Variants in TJP1 observed in about 807,000 individuals in gnomAD.
The protein encoded by TJP1 is tight junction protein 1.
In TJP1, 43 loss-of-function variants were observed where a neutral mutation model predicts 194.2. The observed-to-expected ratio is 0.22, with a 90% CI of 0.17 to 0.29. The LOEUF (loss-of-function observed/expected upper bound fraction) is 0.29, where lower values mean the gene tolerates loss of function less well. TJP1 is among the 10% of genes least tolerant of loss of function. The probability of loss-of-function intolerance (pLI) is 1.00; values close to 1 mark genes in which losing one functional copy is unlikely to be tolerated. For synonymous variants in TJP1, 801 were observed against 779.0 expected, an observed-to-expected ratio of 1.03 and a Z score of -0.47; for missense variants, 1,971 against 2,185.7, an observed-to-expected ratio of 0.90 and a Z score of 1.96.
chr15:29,845,400 A>G (rs188074248), intron 2 of TJP1, among the ~76,000 whole-genome samples: 1 of 152,230 alleles, frequency 6.6e-6, no homozygotes, highest in East Asian at 1.9e-4. Context: ...GGAAATACGA[A>G]ACCTCCCAGG....
chr15:29,738,865 TAAAAAAA>T (rs71103406), intron 10 of TJP1, among the ~76,000 whole-genome samples: 4 of 48,864 alleles, frequency 8.2e-5, no homozygotes, highest in African/African-American at 2.8e-4. Context: ...CTGTCACTAC[TAAAAAAA>T]AAAAAAAAAA....
At chr15:29,706,315 ATTAG>A (rs1224486826) in intron 25 of TJP1, among the ~76,000 whole-genome samples, 1 of 152,196 alleles carries the variant, frequency 6.6e-6, no homozygotes. Flanking sequence ...TTTGAAGGCA[ATTAG>A]TCAAACGACC....
intron 1 of TJP1, among the ~76,000 whole-genome samples, chr15:29,957,628 T>C (rs1312274791): frequency 6.6e-6 from 1 of 152,230 alleles, no homozygotes; most frequent in Non-Finnish European, 1.5e-5. Context: ...TCCCATAACA[T>C]AGATGTAATA....
At position 29,820,630 on chromosome 15, in the gene TJP1, G is replaced by T. The variant is rs192071337; in HGVS notation, c.27+1372C>A. 1.6e-4 allele frequency: 111 copies of T among 713,550 alleles called. No individual in the cohort carries two copies. The African/African-American group carries it at 1.7e-3, about 11-fold the overall frequency. 44.2% of individuals were successfully genotyped at this position (713,550 alleles called of 1,614,324 possible). On this transcript the variant is annotated intron_variant, in intron 1 of 27. Coordinates refer to ENST00000614355, the MANE Select transcript of TJP1 (RefSeq NM_001330239.4). ...TTAAGTACCAGAGATCACACTTCAG[G>T]AACAAAGTGACATTCTGTGTAATAC...
intron 2 of TJP1, among the ~76,000 whole-genome samples, chr15:29,861,269 G>C (rs914134813): frequency 6.6e-6 from 1 of 152,286 alleles, no homozygotes; most frequent in East Asian, 1.9e-4. Flanking sequence ...CCACCAGCAC[G>C]CATGAGGGTC....
intron 2 of TJP1, among the ~76,000 whole-genome samples, chr15:29,934,958 G>T (rs2054835737): frequency 6.6e-6 from 1 of 152,174 alleles, no homozygotes; most frequent in Non-Finnish European, 1.5e-5. Context: ...GTTAAATGTG[G>T]AAGTCTTTAA....
intron 20 of TJP1, 85 bp downstream of exon 20, chr15:29,719,692 G>A (rs2042808616): frequency 6.6e-7 from 1 of 1,524,182 alleles, no homozygotes; most frequent in Non-Finnish European, 8.8e-7. Flanking sequence ...AAAAGCAAAA[G>A]GAACACTTAA....
At chr15:29,923,603 T>G (rs1485348014) in intron 2 of TJP1, among the ~76,000 whole-genome samples, 1 of 152,068 alleles carries the variant, frequency 6.6e-6, no homozygotes, top group South Asian at 2.1e-4. Context: ...ATATCCCAAA[T>G]AGGAAAATCT....
At chr15:29,880,832 C>G (rs1485126037) in intron 2 of TJP1, among the ~76,000 whole-genome samples, 2 of 152,154 alleles carry the variant, frequency 1.3e-5, no homozygotes, top group Non-Finnish European at 2.9e-5. Flanking sequence ...TTTTCTTTAT[C>G]CATTCCTCTG....
chr15:29,966,089 T>C (rs2056322036), intron 1 of TJP1, among the ~76,000 whole-genome samples: 1 of 152,246 alleles, frequency 6.6e-6, no homozygotes, highest in African/African-American at 2.4e-5. Context: ...GTTTAGAGAA[T>C]GTGTTTTCAG....
chr15:29,763,594 C>T lies in TJP1; in HGVS notation c.590-1156G>A, dbSNP rs372151855. Among the ~76,000 whole-genome samples the T allele has an allele frequency of 5.3e-5, 8 of 151,828 alleles. No homozygotes were observed. The East Asian group carries it at 7.8e-4, about 15-fold the overall frequency. Reference sequence around the variant, plus strand: ...ACCAGCCTGGCTAGCATGGTAAAACCGTCTCTATTAAAAATACAAAAAATT... The same window carrying T: ...ACCAGCCTGGCTAGCATGGTAAAACTGTCTCTATTAAAAATACAAAAAATT... On this transcript the variant is annotated intron_variant, in intron 5 of 27. Coordinates refer to ENST00000614355, the MANE Select transcript of TJP1 (RefSeq NM_001330239.4).
At chr15:29,867,681 G>A (rs1024755430) in intron 2 of TJP1, among the ~76,000 whole-genome samples, 2 of 152,182 alleles carry the variant, frequency 1.3e-5, no homozygotes, top group African/African-American at 4.8e-5. Context: ...GCTTTGGGAG[G>A]ACATGGCAAG....
rs759835625 is a variant in TJP1, at chr15:29,718,731, A to C, written c.3411T>G (p.Pro1137=). 6.2e-7 allele frequency: 1 copy of C among 1,614,064 alleles called. No individual in the cohort carries two copies. ...GYFPRFEEPA[P]LSYDSRPRYE... Reference sequence around the variant, plus strand: ...AACGTGGTCTGCTGTCGTAAGACAGAGGGGCTGGCTCTTCAAAACGTGGAA... The same window carrying C: ...AACGTGGTCTGCTGTCGTAAGACAGCGGGGCTGGCTCTTCAAAACGTGGAA... The change falls in exon 21 of 28, where the codon CCT becomes CCG. Residue 1137 remains proline, a synonymous_variant. Transcript: ENST00000614355.
chr15:29,920,582 C>T (rs1221867953), intron 2 of TJP1, among the ~76,000 whole-genome samples: 1 of 152,230 alleles, frequency 6.6e-6, no homozygotes, highest in Non-Finnish European at 1.5e-5. Flanking sequence ...GCTGCAATCT[C>T]CTTTCCGTTA....
In TJP1 at chr15:29,901,820, C is replaced by CA. The variant is rs35491657; in HGVS notation, c.306+54411dup. 7.8e-3 allele frequency among the ~76,000 whole-genome samples: 937 copies of CA among 119,912 alleles called. 6 individuals are homozygous for CA. Among genetic ancestry groups the CA allele is most frequent in the African/African-American group, 0.019 (645 of 33,642 alleles). 78.7% of individuals were successfully genotyped at this position (119,912 alleles called of 152,430 possible). A position where few individuals can be genotyped will look rare whatever the true frequency, so the allele number is the denominator to read the frequency against. The stretch of plus-strand genomic sequence containing the variant: ...TGGGCAACAGAGCGAGACTCTATCT[C>CA]AAAAAAAAAAAAAAAAAGTGTCACT... On this transcript the variant is annotated intron_variant, in intron 2 of 28. Coordinates refer to the TJP1 transcript ENST00000356107.
intron 2 of TJP1, among the ~76,000 whole-genome samples, chr15:29,903,446 A>C (rs2053696776): frequency 6.6e-6 from 1 of 152,080 alleles, no homozygotes; most frequent in African/African-American, 2.4e-5. Flanking sequence ...ACCGAGTTTC[A>C]GAATCTTTTT....
intron 2 of TJP1, among the ~76,000 whole-genome samples, chr15:29,872,733 T>C (rs2052569118): frequency 6.6e-6 from 1 of 152,200 alleles, no homozygotes. Context: ...AAACCTCCTT[T>C]AGTCCTCGTC....
At position 29,822,175 on chromosome 15, in the gene TJP1, G is replaced by A; in HGVS notation, c.-147C>T. The A allele has an allele frequency of 5.1e-6, 6 of 1,180,084 alleles. No homozygotes were observed. The highest frequency in any genetic ancestry group is 5.2e-6 in the Non-Finnish European group (5 of 953,952). 73.1% of individuals were successfully genotyped at this position (1,180,084 alleles called of 1,614,324 possible). On this transcript the variant is annotated 5_prime_UTR_variant, in exon 1 of 28. Transcript: ENST00000614355. ...GGGCGGCCGGAAGGGCCCGGCCCAGGGGGAGGGAATTCAACTCGGACAAAA... is the reference window on the plus strand; with the variant it reads ...GGGCGGCCGGAAGGGCCCGGCCCAGAGGGAGGGAATTCAACTCGGACAAAA...
At chr15:29,865,711 T>C (rs2052278858) in intron 2 of TJP1, among the ~76,000 whole-genome samples, 1 of 152,038 alleles carries the variant, frequency 6.6e-6, no homozygotes, top group Non-Finnish European at 1.5e-5. Context: ...CACCGAGCAA[T>C]GTGCGGGATC....
Sources: gnomAD v4.1 joint callset for allele counts (sites outside exome capture counted in the v4.1 genomes callset) on GRCh38, gnomAD v4.1.1 for gene constraint, MANE v1.5 for transcripts, NCBI Gene and HGNC (gene_info 2026-07-23, HGNC 2026-07-21) for gene names.